The following UBE2QL1 variants were observed in gnomAD, a reference collection of about 807,000 sequenced individuals.
The protein encoded by UBE2QL1 is ubiquitin-conjugating enzyme E2Q-like protein 1.
In UBE2QL1, 5 loss-of-function variants were observed where a neutral mutation model predicts 12.6. The observed-to-expected ratio is 0.40, with a 90% CI of 0.21 to 0.83. The LOEUF (loss-of-function observed/expected upper bound fraction) is 0.83, where lower values mean the gene tolerates loss of function less well. Among genes scored for constraint, UBE2QL1 ranks in the 40% least tolerant of loss-of-function variants. The pLI, the probability that UBE2QL1 is intolerant of heterozygous loss-of-function variation, is 0.37. For missense variants in UBE2QL1, 99 were observed against 222.6 expected (o/e 0.44, Z 3.53); for synonymous variants, 96 against 94.5 (o/e 1.02, Z -0.10).
At chr5:6,449,638 T>A (rs1031263537) in intron 1 of UBE2QL1, among the ~76,000 whole-genome samples, 2 of 151,516 alleles carry the variant, frequency 1.3e-5, no homozygotes, top group African/African-American at 4.9e-5. Flanking sequence ...CTCTTTCTCC[T>A]CTCACCCCTT....
intron 1 of UBE2QL1, among the ~76,000 whole-genome samples, chr5:6,488,823 A>G (rs1417906203): frequency 6.7e-6 from 1 of 148,858 alleles, no homozygotes; most frequent in Non-Finnish European, 1.5e-5. Context: ...AAAAAGAAGA[A>G]ATTGATGCTA....
At chr5:6,451,248 ATTTT>A (rs11385108) in intron 1 of UBE2QL1, among the ~76,000 whole-genome samples, 4 of 150,292 alleles carry the variant, frequency 2.7e-5, no homozygotes, top group Non-Finnish European at 4.4e-5. Context: ...AGAAATGGGG[ATTTT>A]TTTTTTTAAG....
intron 1 of UBE2QL1, among the ~76,000 whole-genome samples, chr5:6,449,868 A>ACCCCCCCCCCCCCCCC (rs5865654): frequency 2.6e-5 from 3 of 117,124 alleles, no homozygotes; most frequent in Admixed American, 8.3e-5. Flanking sequence ...CACCTCCCCA[A>ACCCCCCCCCCCCCCCC]CCCCCCCCAC....
In UBE2QL1 at chr5:6,492,533, A is replaced by C. The variant is rs1033017150; in HGVS notation, c.*1184A>C. ...TAATAATATGAGGAAAGAAGTAAAA[A>C]TGTTCATTCCAAGTGGCAAGTCTTA... On this transcript the variant is annotated 3_prime_UTR_variant, in exon 2 of 2. Coordinates refer to ENST00000399816, the MANE Select transcript of UBE2QL1 (RefSeq NM_001145161.3). 6.6e-6 allele frequency: 1 copy of C among 152,262 alleles called. No homozygotes were observed. The highest frequency in any genetic ancestry group is 1.5e-5 in the Non-Finnish European group (1 of 68,050). 9.4% of individuals were successfully genotyped at this position (152,262 alleles called of 1,614,324 possible).
At chr5:6,452,484 ACT>A (rs1318581930) in intron 1 of UBE2QL1, among the ~76,000 whole-genome samples, 1 of 152,036 alleles carries the variant, frequency 6.6e-6, no homozygotes, top group African/African-American at 2.4e-5. Context: ...GGATTTTAAA[ACT>A]CTGTACTTTT....
chr5:6,461,296 G>C (rs1340694340), intron 1 of UBE2QL1, among the ~76,000 whole-genome samples: 2 of 152,230 alleles, frequency 1.3e-5, no homozygotes, highest in East Asian at 3.9e-4. Flanking sequence ...GAGGCTTTCT[G>C]CATTTGGGAA....
rs184964069 is a variant in UBE2QL1, at chr5:6,462,883, G to A, written c.354+13636G>A. 2.1e-3 allele frequency among the ~76,000 whole-genome samples: 323 copies of A among 152,338 alleles called. 1 individual carries two copies. The highest frequency in any genetic ancestry group is 0.016 in the South Asian group (77 of 4,826). On this transcript the variant is annotated intron_variant, in intron 1 of 1. Transcript: ENST00000399816. ...TGAACCAAGCGTGAAAGGCTGATTT[G>A]TAATTTGTTTGGTCTTAACAAAAAT...
At chr5:6,449,358 GC>G in intron 1 of UBE2QL1, 111 bp downstream of exon 1, 1 of 1,066,314 alleles carries the variant, frequency 9.4e-7, no homozygotes, top group Non-Finnish European at 1.2e-6. Flanking sequence ...CGGCCATCTC[GC>G]TCCCTGCTCT....
At chr5:6,463,636 TA>T (rs1739723005) in intron 1 of UBE2QL1, among the ~76,000 whole-genome samples, 2 of 146,866 alleles carry the variant, frequency 1.4e-5, no homozygotes, top group Admixed American at 6.8e-5. Context: ...TTATTATTAT[TA>T]TTATTTTTGA....
At chr5:6,459,394 A>T (rs1739603161) in intron 1 of UBE2QL1, among the ~76,000 whole-genome samples, 1 of 152,222 alleles carries the variant, frequency 6.6e-6, no homozygotes, top group Non-Finnish European at 1.5e-5. Flanking sequence ...TAAGAGAGAT[A>T]GAGGGCTCTT....
chr5:6,480,063 GT>G (rs1418181749), intron 1 of UBE2QL1, among the ~76,000 whole-genome samples: 4 of 152,216 alleles, frequency 2.6e-5, no homozygotes, highest in African/African-American at 9.6e-5. Flanking sequence ...AGCCAGGCGG[GT>G]CACTTTTTTC....
At position 6,491,396 on chromosome 5, in the gene UBE2QL1, C is replaced by G; in HGVS notation, c.*47C>G. Reference sequence around the variant, plus strand: ...GCTCGAGCGCCTGTCCACACACACACCAGTACCCTGACATCTCCTCAATGC... The same window carrying G: ...GCTCGAGCGCCTGTCCACACACACAGCAGTACCCTGACATCTCCTCAATGC... On this transcript the variant is annotated 3_prime_UTR_variant, in exon 2 of 2. Transcript: ENST00000399816. 1 of 1,508,126 alleles carries G rather than the reference C, an allele frequency of 6.6e-7. No homozygotes were observed. Among genetic ancestry groups the G allele is most frequent in the Non-Finnish European group, 8.9e-7 (1 of 1,128,558 alleles). 93.4% of individuals were successfully genotyped at this position (1,508,126 alleles called of 1,614,324 possible). A position where few individuals can be genotyped will look rare whatever the true frequency, so the allele number is the denominator to read the frequency against.
rs921153992 is a variant in UBE2QL1 at position 6,495,276 on chromosome 5, C to T, written c.*3927C>T. 6.6e-6 allele frequency among the ~76,000 whole-genome samples: 1 copy of T among 152,124 alleles called. No individual in the cohort carries two copies. The highest frequency in any genetic ancestry group is 2.4e-5 in the African/African-American group (1 of 41,428). ...GCCTAGCCTGGCGTGTGGAGCTTGC[C>T]CTGTGTGTAGCAATTATATTTCAGT... On this transcript the variant is annotated 3_prime_UTR_variant, in exon 2 of 2. Coordinates refer to ENST00000399816, the MANE Select transcript of UBE2QL1 (RefSeq NM_001145161.3).
At chr5:6,480,188 G>A (rs921769032) in intron 1 of UBE2QL1, among the ~76,000 whole-genome samples, 1 of 152,242 alleles carries the variant, frequency 6.6e-6, no homozygotes, top group African/African-American at 2.4e-5. Flanking sequence ...GGTTCAGAGT[G>A]TGGCCTCCAA....
intron 1 of UBE2QL1, among the ~76,000 whole-genome samples, chr5:6,490,723 C>T (rs1206681506): frequency 6.6e-6 from 1 of 152,218 alleles, no homozygotes. Flanking sequence ...CAAATATACA[C>T]ATCTCTCTAT....
At chr5:6,468,427 G>A (rs1424089685) in intron 1 of UBE2QL1, among the ~76,000 whole-genome samples, 2 of 152,184 alleles carry the variant, frequency 1.3e-5, no homozygotes, top group Non-Finnish European at 2.9e-5. Flanking sequence ...GTGGAGGGGT[G>A]GAGTCAGGCA....
chr5:6,477,135 A>G lies in UBE2QL1; in HGVS notation c.355-14083A>G, dbSNP rs79533007. Among the ~76,000 whole-genome samples, 964 of 152,196 alleles carry G rather than the reference A, an allele frequency of 6.3e-3. 8 individuals are homozygous for G. Among genetic ancestry groups the G allele is most frequent in the African/African-American group, 0.023 (935 of 41,510 alleles). ...TCTCAGGGCCAGTGATCACCATGAC[A>G]CTGTCTCAAACAGCCCACCTTGTGT... On this transcript the variant is annotated intron_variant, in intron 1 of 1. Transcript: ENST00000399816.
At chr5:6,460,959 T>C (rs1739645646) in intron 1 of UBE2QL1, among the ~76,000 whole-genome samples, 1 of 152,230 alleles carries the variant, frequency 6.6e-6, no homozygotes, top group South Asian at 2.1e-4. Context: ...TAAAAAGCTG[T>C]GGACCCCAGC....
rs1374242345 is a variant in UBE2QL1 at position 6,486,314 on chromosome 5, A to G, written c.355-4904A>G. On this transcript the variant is annotated intron_variant, in intron 1 of 1. Coordinates refer to ENST00000399816, the MANE Select transcript of UBE2QL1 (RefSeq NM_001145161.3). Reference sequence around the variant, plus strand: ...CCCCACCAAATACACACACAAGCACACACACACACAAGCACACACACACAC... The same window carrying G: ...CCCCACCAAATACACACACAAGCACGCACACACACAAGCACACACACACAC... Among the ~76,000 whole-genome samples the G allele has an allele frequency of 4.8e-5, 7 of 144,850 alleles. No individual in the cohort carries two copies. The East Asian group carries it at 6.5e-4, about 13-fold the overall frequency.
Sources: gnomAD v4.1 joint callset for allele counts (sites outside exome capture counted in the v4.1 genomes callset) on GRCh38, gnomAD v4.1.1 for gene constraint, MANE v1.5 for transcripts, NCBI Gene and HGNC (gene_info 2026-07-23, HGNC 2026-07-21) for gene names.